Variants in EPHA6 observed in about 807,000 individuals in gnomAD.
The protein encoded by EPHA6 is EPH receptor A6, also known as ephrin type-A receptor 6.
A neutral mutation model predicts 112.0 loss-of-function variants in EPHA6; 50 were observed. The ratio of observed to expected loss-of-function variants is 0.45; its 90% CI spans 0.36 to 0.56. The LOEUF (loss-of-function observed/expected upper bound fraction) is 0.56. EPHA6 is among the 20% of genes least tolerant of loss of function. The pLI, the probability that EPHA6 is intolerant of heterozygous loss-of-function variation, is 0.00. For synonymous variants in EPHA6, 529 were observed against 490.7 expected (o/e 1.08, Z -1.03); for missense variants, 1,280 against 1,417.4 (o/e 0.90, Z 1.56).
intron 14 of EPHA6, among the ~76,000 whole-genome samples, chr3:97,717,293 A>G (rs1384959987): frequency 6.6e-6 from 1 of 151,874 alleles, no homozygotes; most frequent in Non-Finnish European, 1.5e-5. Context: ...TGCACTGTCC[A>G]TTTTGTAATG....
chr3:97,139,946 C>T (rs1265940351), intron 3 of EPHA6, among the ~76,000 whole-genome samples: 2 of 151,342 alleles, frequency 1.3e-5, no homozygotes, highest in African/African-American at 4.9e-5. Context: ...ATGTGGAAAA[C>T]CAATACAAAG....
At chr3:97,326,003 G>A (rs757445669) in intron 5 of EPHA6, among the ~76,000 whole-genome samples, 4 of 145,262 alleles carry the variant, frequency 2.8e-5, no homozygotes, top group Non-Finnish European at 4.4e-5. Flanking sequence ...AAATATGAGA[G>A]ATTTAAGTAG....
intron 4 of EPHA6, among the ~76,000 whole-genome samples, chr3:97,238,593 T>C (rs999672668): frequency 7.2e-5 from 11 of 152,070 alleles, no homozygotes; most frequent in Admixed American, 2.6e-4. Context: ...TACAGGGTTA[T>C]TGTGATGATT....
intron 3 of EPHA6, among the ~76,000 whole-genome samples, chr3:97,188,607 A>G: frequency 6.6e-6 from 1 of 151,998 alleles, no homozygotes; most frequent in Non-Finnish European, 1.5e-5. Flanking sequence ...CATTTATTAC[A>G]TCTGGTGTGT....
At chr3:97,312,058 A>G (rs1002560102) in intron 5 of EPHA6, among the ~76,000 whole-genome samples, 2 of 151,598 alleles carry the variant, frequency 1.3e-5, no homozygotes, top group Admixed American at 1.3e-4. Flanking sequence ...TTTCTACCTA[A>G]TGATTCCATT....
intron 2 of EPHA6, among the ~76,000 whole-genome samples, chr3:96,963,717 G>T (rs2107759539): frequency 6.6e-6 from 1 of 152,274 alleles, no homozygotes; most frequent in South Asian, 2.1e-4. Flanking sequence ...AGAATACAAA[G>T]TGGTGGGAAT....
At chr3:96,964,554 CTTTGTTAT>C (rs1478509895) in intron 2 of EPHA6, among the ~76,000 whole-genome samples, 1 of 151,934 alleles carries the variant, frequency 6.6e-6, no homozygotes, top group Non-Finnish European at 1.5e-5. Flanking sequence ...TTCATCATCT[CTTTGTTAT>C]ACGATCTGTG....
At chr3:97,472,080 T>G (rs751675996) in intron 7 of EPHA6, among the ~76,000 whole-genome samples, 1 of 151,690 alleles carries the variant, frequency 6.6e-6, no homozygotes, top group Non-Finnish European at 1.5e-5. Flanking sequence ...CACTTGTCAT[T>G]GGATATGGGA....
intron 3 of EPHA6, among the ~76,000 whole-genome samples, chr3:97,143,027 G>T (rs534639382): frequency 6.6e-6 from 1 of 151,922 alleles, no homozygotes; most frequent in Admixed American, 6.6e-5. Flanking sequence ...AATTGGAAAA[G>T]AGGAAGTCCA....
In EPHA6 at chr3:97,630,807, C is replaced by G. The variant is rs1253585127; in HGVS notation, c.2575-7066C>G. Among the ~76,000 whole-genome samples the G allele has an allele frequency of 2.6e-5, 4 of 151,942 alleles. No individual in the cohort carries two copies. In the East Asian group the frequency reaches 7.7e-4, roughly 29 times the overall value. On this transcript the variant is annotated intron_variant, in intron 13 of 17. Coordinates refer to ENST00000389672, the MANE Select transcript of EPHA6 (RefSeq NM_001080448.3). ...GGGCAAAAATTTTAAGGCAATTTTT[C>G]TATGTATCTACCTATTTCGTCATGT...
At chr3:97,117,486 T>A (rs1305526528) in intron 3 of EPHA6, among the ~76,000 whole-genome samples, 1 of 151,806 alleles carries the variant, frequency 6.6e-6, no homozygotes, top group Non-Finnish European at 1.5e-5. Context: ...TTTGAGTCGA[T>A]ATTTGTATAT....
At chr3:97,477,004 T>C (rs1367226848) in intron 8 of EPHA6, among the ~76,000 whole-genome samples, 1 of 152,004 alleles carries the variant, frequency 6.6e-6, no homozygotes, top group East Asian at 1.9e-4. Flanking sequence ...TAATGATAAA[T>C]TCATCTTAAT....
intron 5 of EPHA6, among the ~76,000 whole-genome samples, chr3:97,318,696 TC>T (rs763815436): frequency 6.6e-5 from 10 of 152,016 alleles, no homozygotes; most frequent in Non-Finnish European, 1.2e-4. Flanking sequence ...ACTCACTATT[TC>T]TTTATTAAAG....
At chr3:97,649,127 A>T (rs2094089293) in intron 14 of EPHA6, among the ~76,000 whole-genome samples, 1 of 152,108 alleles carries the variant, frequency 6.6e-6, no homozygotes, top group African/African-American at 2.4e-5. Context: ...AGACTGGGTG[A>T]TTTATAAAGG....
chr3:97,305,305 G>T (rs938837169), intron 5 of EPHA6, among the ~76,000 whole-genome samples: 1 of 151,914 alleles, frequency 6.6e-6, no homozygotes, highest in South Asian at 2.1e-4. Flanking sequence ...TTCAACTATT[G>T]TGGCAATTCC....
At chr3:97,079,108 A>T (rs985875727) in intron 3 of EPHA6, among the ~76,000 whole-genome samples, 9 of 152,206 alleles carry the variant, frequency 5.9e-5, no homozygotes, top group African/African-American at 2.2e-4. Context: ...CATGGAATCA[A>T]CCTAAATGCC....
chr3:97,691,895 T>G (rs2032695074), intron 14 of EPHA6, among the ~76,000 whole-genome samples: 1 of 152,180 alleles, frequency 6.6e-6, no homozygotes, highest in Non-Finnish European at 1.5e-5. Context: ...AAAAACTTAT[T>G]TTGTTAACAA....
At chr3:97,271,686 G>A (rs548557497) in intron 5 of EPHA6, among the ~76,000 whole-genome samples, 27 of 152,238 alleles carry the variant, frequency 1.8e-4, no homozygotes, top group Middle Eastern at 6.8e-3. Context: ...AAAAATATAC[G>A]TTGGAGTTTG....
At chr3:97,177,859 T>C (rs1381784479) in intron 3 of EPHA6, among the ~76,000 whole-genome samples, 3 of 152,066 alleles carry the variant, frequency 2.0e-5, no homozygotes, top group Non-Finnish European at 4.4e-5. Context: ...GAAGTGTGTT[T>C]CTTGTAGACA....
Sources: gnomAD v4.1 joint callset for allele counts (sites outside exome capture counted in the v4.1 genomes callset) on GRCh38, gnomAD v4.1.1 for gene constraint, MANE v1.5 for transcripts, NCBI Gene and HGNC (gene_info 2026-07-23, HGNC 2026-07-21) for gene names.